The following SPPL3 variants were observed in gnomAD, a reference collection of about 807,000 sequenced individuals.
SPPL3 encodes the protein signal peptide peptidase like 3, also known as signal peptide peptidase-like 3.
A neutral mutation model predicts 42.4 loss-of-function variants in SPPL3; 5 were observed. The ratio of observed to expected loss-of-function variants is 0.12; its 90% CI spans 0.06 to 0.25. The LOEUF is 0.25. SPPL3 is among the 10% of genes least tolerant of loss of function. The pLI, the probability that SPPL3 is intolerant of heterozygous loss-of-function variation, is 1.00. For missense variants in SPPL3, 235 were observed against 489.0 expected (o/e 0.48, Z 4.90); for synonymous variants, 195 against 181.8 (o/e 1.07, Z -0.58).
chr12:120,867,485 T>G (rs1217505310), intron 1 of SPPL3, among the ~76,000 whole-genome samples: 1 of 151,964 alleles, frequency 6.6e-6, no homozygotes, highest in Admixed American at 6.6e-5. Flanking sequence ...GCTAACATGG[T>G]GAAACTTTGT....
chr12:120,766,100 G>GCACACACACACACA (rs111837123), intron 10 of SPPL3, among the ~76,000 whole-genome samples, 163 bp downstream of exon 10: 2 of 84,142 alleles, frequency 2.4e-5, no homozygotes, highest in Admixed American at 2.9e-4. Flanking sequence ...GCGCGCGCGC[G>GCACACACACACACA]CACACACACA....
intron 3 of SPPL3, 148 bp downstream of exon 3, chr12:120,791,321 G>A (rs544138208): frequency 1.1e-5 from 6 of 543,506 alleles, no homozygotes; most frequent in African/African-American, 5.9e-5. Context: ...ATTACATACC[G>A]TAAAATTCAC....
intron 1 of SPPL3, among the ~76,000 whole-genome samples, chr12:120,874,584 G>A (rs1873027181): frequency 6.6e-6 from 1 of 152,122 alleles, no homozygotes; most frequent in South Asian, 2.1e-4. Context: ...CAGCACAAAG[G>A]CAGCAGTGTG....
chr12:120,839,146 G>A (rs1274528956), intron 1 of SPPL3, among the ~76,000 whole-genome samples: 2 of 151,462 alleles, frequency 1.3e-5, no homozygotes, highest in African/African-American at 4.9e-5. Flanking sequence ...AAGAAAATGT[G>A]GCACATATAC....
At chr12:120,891,473 A>T (rs1261202472) in intron 1 of SPPL3, among the ~76,000 whole-genome samples, 2 of 152,174 alleles carry the variant, frequency 1.3e-5, no homozygotes, top group African/African-American at 4.8e-5. Flanking sequence ...ACAAGAAATG[A>T]GCTGAAAAAG....
chr12:120,890,036 G>A (rs1406581997), intron 1 of SPPL3, among the ~76,000 whole-genome samples: 25 of 151,814 alleles, frequency 1.6e-4, no homozygotes, highest in Middle Eastern at 3.4e-3. Context: ...ACCTGAGGTC[G>A]GGAGTTCGAG....
intron 1 of SPPL3, among the ~76,000 whole-genome samples, chr12:120,839,262 A>G (rs1871724443): frequency 6.6e-6 from 1 of 151,124 alleles, no homozygotes; most frequent in Admixed American, 6.6e-5. Context: ...GCAAGGACAA[A>G]AAACCAAACA....
intron 2 of SPPL3, among the ~76,000 whole-genome samples, chr12:120,797,098 T>C (rs516649): frequency 0.8 from 121,827 of 152,132 alleles, 49,440 homozygotes; most frequent in African/African-American, 0.92. Flanking sequence ...ACCCGGGAGG[T>C]GGAGGTGGCA....
At chr12:120,825,077 T>C (rs1041383682) in intron 1 of SPPL3, among the ~76,000 whole-genome samples, 2 of 152,134 alleles carry the variant, frequency 1.3e-5, no homozygotes, top group African/African-American at 4.8e-5. Flanking sequence ...ATAGTCATTA[T>C]ATTTATAACA....
intron 1 of SPPL3, among the ~76,000 whole-genome samples, chr12:120,843,872 C>T (rs1053783606): frequency 2.6e-5 from 4 of 152,134 alleles, no homozygotes; most frequent in African/African-American, 7.2e-5. Context: ...GCAGGAGAAT[C>T]GCTTGAACCC....
At chr12:120,802,496 G>A (rs1244874578) in intron 2 of SPPL3, among the ~76,000 whole-genome samples, 6 of 148,290 alleles carry the variant, frequency 4.0e-5, no homozygotes, top group East Asian at 2.0e-4. Context: ...GTGCAGTGGC[G>A]CAATCTCGGC....
intron 1 of SPPL3, among the ~76,000 whole-genome samples, chr12:120,817,685 C>T (rs1043807461): frequency 1.3e-5 from 2 of 152,118 alleles, no homozygotes; most frequent in Non-Finnish European, 2.9e-5. Context: ...CTGCTTTATC[C>T]CATATTTGTT....
At chr12:120,848,076 T>C (rs188278416) in intron 1 of SPPL3, among the ~76,000 whole-genome samples, 3 of 152,278 alleles carry the variant, frequency 2.0e-5, no homozygotes, top group Admixed American at 6.5e-5. Context: ...TGGTGGTGCA[T>C]GTGCACAAGT....
intron 3 of SPPL3, among the ~76,000 whole-genome samples, chr12:120,785,815 TA>T (rs5801402): frequency 0.71 from 94,434 of 133,716 alleles, 32,869 homozygotes; most frequent in African/African-American, 0.87. Context: ...TACAGAAAAT[TA>T]AAAAAAAAAA....
At chr12:120,833,810 G>A (rs1271317312) in intron 1 of SPPL3, among the ~76,000 whole-genome samples, 2 of 138,272 alleles carry the variant, frequency 1.4e-5, no homozygotes, top group African/African-American at 5.5e-5. Context: ...TGTGTGTGTT[G>A]AGTTTCAAGT....
Position 120,835,831 on chromosome 12 carries a change from C to A in SPPL3, c.24-24945G>T, listed in dbSNP as rs373218107. Among the ~76,000 whole-genome samples the A allele has an allele frequency of 4.5e-4, 69 of 152,290 alleles. 1 individual carries two copies. In the East Asian group the frequency reaches 0.012, roughly 26 times the overall value. ...ACCATTCCTAACATCTTAACAGCCA[C>A]TTCAAGCAACCACTTGTTCTGCAAA... On this transcript the variant is annotated intron_variant, in intron 1 of 10. Transcript: ENST00000353487.
chr12:120,867,584 GA>G (rs1269971205), intron 1 of SPPL3, among the ~76,000 whole-genome samples: 1 of 151,824 alleles, frequency 6.6e-6, no homozygotes, highest in Non-Finnish European at 1.5e-5. Flanking sequence ...GGAATCGCTT[GA>G]ACCCGGGAGG....
intron 1 of SPPL3, among the ~76,000 whole-genome samples, chr12:120,854,019 C>CACACACACAA (rs1872361545): frequency 1.4e-5 from 2 of 143,552 alleles, no homozygotes; most frequent in Non-Finnish European, 3.1e-5. Context: ...CACACACACA[C>CACACACACAA]ACACACGGGG....
At position 120,764,730 on chromosome 12, in the gene SPPL3, T is replaced by C; in HGVS notation, c.*269A>G. 2.3e-6 allele frequency: 1 copy of C among 429,608 alleles called. No individual in the cohort carries two copies. The highest frequency in any genetic ancestry group is 4.1e-6 in the Non-Finnish European group (1 of 243,966). 26.6% of individuals were successfully genotyped at this position (429,608 alleles called of 1,614,324 possible). A position where few individuals can be genotyped will look rare whatever the true frequency, so the allele number is the denominator to read the frequency against. On this transcript the variant is annotated 3_prime_UTR_variant, in exon 11 of 11. Coordinates refer to ENST00000353487, the MANE Select transcript of SPPL3 (RefSeq NM_139015.5). ...AAGGTAACAGTCTGGTGCAGATCCATAAAAACGTGGGAGGAAGGCGCGCTG... is the reference window on the plus strand; with the variant it reads ...AAGGTAACAGTCTGGTGCAGATCCACAAAAACGTGGGAGGAAGGCGCGCTG...
Sources: gnomAD v4.1 joint callset for allele counts (sites outside exome capture counted in the v4.1 genomes callset) on GRCh38, gnomAD v4.1.1 for gene constraint, MANE v1.5 for transcripts, NCBI Gene and HGNC (gene_info 2026-07-23, HGNC 2026-07-21) for gene names.